ISM1: variants seen among roughly 807,000 people sequenced by gnomAD.
The protein encoded by ISM1 is isthmin-1.
In ISM1, 25 loss-of-function variants were observed where a neutral mutation model predicts 46.3. The ratio of observed to expected loss-of-function variants is 0.54; its 90% CI spans 0.39 to 0.75. The LOEUF (loss-of-function observed/expected upper bound fraction) is 0.75. Ranked by LOEUF, ISM1 falls within the 30% of genes least tolerant of loss-of-function variation. ISM1 has a pLI of 0.00. For missense variants in ISM1, 536 were observed against 625.4 expected (o/e 0.86, Z 1.52); for synonymous variants, 255 against 256.7 (o/e 0.99, Z 0.06).
chr20:13,297,370 G>A (rs1045519104), intron 5 of ISM1, among the ~76,000 whole-genome samples: 1 of 152,114 alleles, frequency 6.6e-6, no homozygotes, highest in Non-Finnish European at 1.5e-5. Context: ...GTGGTTACTC[G>A]TTTGCTCCAC....
intron 3 of ISM1, among the ~76,000 whole-genome samples, chr20:13,280,325 T>C (rs2040224780): frequency 1.3e-5 from 2 of 152,024 alleles, no homozygotes; most frequent in African/African-American, 4.8e-5. Context: ...GTGTTATGTT[T>C]GATACTGGCA....
the ISM1 span, among the ~76,000 whole-genome samples, chr20:13,311,232 A>AGAT: frequency 8.7e-6 from 1 of 115,488 alleles, no homozygotes; most frequent in African/African-American, 3.3e-5. Context: ...ATAGATAGAT[A>AGAT]GATAGATAGA....
intron 1 of ISM1, among the ~76,000 whole-genome samples, chr20:13,237,110 C>T (rs1471295559): frequency 6.6e-6 from 1 of 152,148 alleles, no homozygotes; most frequent in Admixed American, 6.5e-5. Context: ...CATGAGGACC[C>T]TGCCCCTGCA....
chr20:13,270,444 G>C, intron 1 of ISM1, 60 bp from the exon 2 acceptor site: 1 of 1,544,648 alleles, frequency 6.5e-7, no homozygotes, highest in South Asian at 1.2e-5. Context: ...GGACTGTTAA[G>C]GGTGACATTT....
At chr20:13,268,336 TC>T (rs1363626181) in intron 1 of ISM1, among the ~76,000 whole-genome samples, 1 of 146,640 alleles carries the variant, frequency 6.8e-6, no homozygotes, top group African/African-American at 2.5e-5. Flanking sequence ...TTTCTCCTTC[TC>T]CTTCTTCTTC....
chr20:13,286,442 G>C (rs2040293841), intron 3 of ISM1, among the ~76,000 whole-genome samples: 2 of 152,158 alleles, frequency 1.3e-5, no homozygotes, highest in African/African-American at 4.8e-5. Context: ...CTAATGCCAG[G>C]GAAGGCAGCC....
At chr20:13,228,162 G>A (rs1399610249) in intron 1 of ISM1, among the ~76,000 whole-genome samples, 3 of 151,406 alleles carry the variant, frequency 2.0e-5, no homozygotes, top group African/African-American at 4.9e-5. Flanking sequence ...TAGTAGAGAT[G>A]GAGTTTCACC....
At chr20:13,254,573 C>T (rs528246124) in intron 1 of ISM1, among the ~76,000 whole-genome samples, 1 of 152,268 alleles carries the variant, frequency 6.6e-6, no homozygotes, top group South Asian at 2.1e-4. Context: ...TCAGTGGTGA[C>T]TTGGTCACAG....
intron 1 of ISM1, among the ~76,000 whole-genome samples, chr20:13,240,665 C>T (rs554044077): frequency 1.2e-4 from 19 of 152,158 alleles, no homozygotes; most frequent in Admixed American, 2.6e-4. Context: ...TAAATGATGG[C>T]TCCATCTGAT....
intron 1 of ISM1, among the ~76,000 whole-genome samples, chr20:13,249,127 TTTGAA>T (rs2039836475): frequency 6.6e-6 from 1 of 152,156 alleles, no homozygotes; most frequent in Non-Finnish European, 1.5e-5. Context: ...TAGGATGATT[TTTGAA>T]AAGATAAATA....
intron 3 of ISM1, among the ~76,000 whole-genome samples, chr20:13,285,632 A>G (rs1401723207): frequency 1.3e-5 from 2 of 152,158 alleles, no homozygotes; most frequent in Non-Finnish European, 2.9e-5. Context: ...CTATTATCCC[A>G]TTGGCCAAAG....
the ISM1 span, among the ~76,000 whole-genome samples, chr20:13,317,869 T>C: frequency 6.6e-6 from 1 of 152,020 alleles, no homozygotes; most frequent in South Asian, 2.1e-4. Context: ...AAAATCTAGA[T>C]GACCTTGTGT....
chr20:13,291,249 C>T (rs538819036), intron 4 of ISM1, among the ~76,000 whole-genome samples: 60 of 152,308 alleles, frequency 3.9e-4, no homozygotes, highest in African/African-American at 1.4e-3. Context: ...TCCTTTCTGC[C>T]TCTCAGTTCC....
At chr20:13,267,023 T>A (rs1370345701) in intron 1 of ISM1, among the ~76,000 whole-genome samples, 1 of 152,234 alleles carries the variant, frequency 6.6e-6, no homozygotes, top group Non-Finnish European at 1.5e-5. Flanking sequence ...CTACCCTAGA[T>A]TTAAAGTCTA....
At chr20:13,284,221 G>A (rs1180133379) in intron 3 of ISM1, among the ~76,000 whole-genome samples, 1 of 152,180 alleles carries the variant, frequency 6.6e-6, no homozygotes, top group Non-Finnish European at 1.5e-5. Context: ...GTTTACTAGT[G>A]GCCAAGTCAA....
chr20:13,297,064 A>G (rs898364533), intron 5 of ISM1, among the ~76,000 whole-genome samples: 9 of 152,064 alleles, frequency 5.9e-5, no homozygotes, highest in Non-Finnish European at 1.3e-4. Context: ...TTTTGTCCTG[A>G]TCAATCAGTG....
intron 1 of ISM1, among the ~76,000 whole-genome samples, chr20:13,226,141 T>G (rs1304677802): frequency 6.6e-6 from 1 of 151,886 alleles, no homozygotes; most frequent in African/African-American, 2.4e-5. Flanking sequence ...CAAACCAAAC[T>G]CTCGAATGTA....
At chr20:13,311,224 AGATAGATAGATAGATAGAT>A in the ISM1 span, among the ~76,000 whole-genome samples, 20 of 112,328 alleles carry the variant, frequency 1.8e-4, no homozygotes, top group South Asian at 1.1e-3. Flanking sequence ...GATGATAGAT[AGATAGATAGATAGATAGAT>A]GATAGATAGA....
Position 13,221,751 on chromosome 20 carries a change from G to T in ISM1, c.-26G>T, listed in dbSNP as rs1378365833. The T allele has an allele frequency of 2.1e-6, 3 of 1,418,294 alleles. No individual in the cohort carries two copies. Among genetic ancestry groups the T allele is most frequent in the East Asian group, 6.2e-5 (2 of 32,126 alleles). The allele number at this position is 1,418,294 out of a possible 1,614,324, so 87.9% of individuals were successfully genotyped here. A position where few individuals can be genotyped will look rare whatever the true frequency, so the allele number is the denominator to read the frequency against. On this transcript the variant is annotated 5_prime_UTR_variant, in exon 1 of 6. Coordinates refer to ENST00000262487, the MANE Select transcript of ISM1 (RefSeq NM_080826.2). The stretch of plus-strand genomic sequence containing the variant: ...CCGCCGCCGCCGGCCGCCGCGCCGG[G>T]TCCTAAAGCCGCGCGTCTCAAAAGG...
Sources: allele counts gnomAD v4.1 joint callset (sites outside exome capture counted in the v4.1 genomes callset), GRCh38; gene constraint gnomAD v4.1.1; transcripts MANE v1.5; gene names NCBI Gene and HGNC (gene_info 2026-07-23, HGNC 2026-07-21).